Variants in FHL2 observed in about 807,000 individuals in gnomAD.
FHL2 encodes the protein four and a half LIM domains protein 2.
Under a neutral mutation model 32.7 loss-of-function variants are expected in FHL2, and 20 were observed. The observed-to-expected ratio is 0.61, with a 90% CI of 0.43 to 0.89. The LOEUF (loss-of-function observed/expected upper bound fraction) is 0.89, where lower values mean the gene tolerates loss of function less well. Among genes scored for constraint, FHL2 ranks in the 40% least tolerant of loss-of-function variants. FHL2 has a pLI of 0.00. For missense variants in FHL2, 311 were observed against 358.6 expected, an observed-to-expected ratio of 0.87 and a Z score of 1.07; for synonymous variants, 123 against 128.1, an observed-to-expected ratio of 0.96 and a Z score of 0.27.
At chr2:105,358,381 T>C (rs1379906132), downstream of FHL2, 1 of 152,268 alleles carries the variant, frequency 6.6e-6, no homozygotes, top group Admixed American at 6.5e-5. Context: ...CCCCTCCCAA[T>C]GTGGAGCCTC....
At chr2:105,410,660 A>C (rs1220164423) in intron 1 of FHL2, among the ~76,000 whole-genome samples, 1 of 152,130 alleles carries the variant, frequency 6.6e-6, no homozygotes, top group Non-Finnish European at 1.5e-5. Context: ...TCTTTCTCAG[A>C]CGAGAAGGAT....
At chr2:105,371,820 G>T (rs76121528) in intron 4 of FHL2, among the ~76,000 whole-genome samples, 4 of 152,106 alleles carry the variant, frequency 2.6e-5, no homozygotes. Context: ...AATTAATGTC[G>T]TGGTTCTTAT....
intron 1 of FHL2, among the ~76,000 whole-genome samples, chr2:105,397,617 A>C (rs986939316): frequency 6.6e-6 from 1 of 152,226 alleles, no homozygotes; most frequent in Non-Finnish European, 1.5e-5. Flanking sequence ...GTCTGTAGTA[A>C]GCCCATCATT....
intron 1 of FHL2, among the ~76,000 whole-genome samples, chr2:105,407,274 C>T (rs1241691505): frequency 6.6e-6 from 1 of 151,828 alleles, no homozygotes; most frequent in Non-Finnish European, 1.5e-5. Flanking sequence ...CGCCTGTAGT[C>T]CCAGCTACTC....
intron 1 of FHL2, among the ~76,000 whole-genome samples, chr2:105,420,050 A>AC (rs1341691559): frequency 6.6e-6 from 1 of 152,196 alleles, no homozygotes; most frequent in East Asian, 1.9e-4. Context: ...AAGATAAGCC[A>AC]CCCAATGCCC....
intron 1 of FHL2, among the ~76,000 whole-genome samples, chr2:105,411,181 A>C (rs748429509): frequency 3.3e-5 from 5 of 152,222 alleles, no homozygotes; most frequent in African/African-American, 2.4e-5. Context: ...ATTTCAGTCA[A>C]AAAACTGATT....
At chr2:105,405,574 G>A (rs1558722958) in intron 1 of FHL2, among the ~76,000 whole-genome samples, 1 of 152,204 alleles carries the variant, frequency 6.6e-6, no homozygotes, top group Non-Finnish European at 1.5e-5. Flanking sequence ...ACCATGGCTG[G>A]CAAGAGTGTT....
chr2:105,374,236 C>G (rs1457571512), intron 3 of FHL2: 1 of 181,746 alleles, frequency 5.5e-6, no homozygotes, highest in Non-Finnish European at 1.2e-5. Context: ...TCAGGAGAGA[C>G]TGTGTGTGTG....
intron 1 of FHL2, among the ~76,000 whole-genome samples, chr2:105,411,538 GTTTTTTTT>G (rs9308884): frequency 7.4e-5 from 6 of 81,150 alleles, no homozygotes; most frequent in Admixed American, 1.8e-4. Context: ...TGAACTTAGG[GTTTTTTTT>G]TTTTTTTTTT....
chr2:105,408,544 A>G (rs1243808584), intron 1 of FHL2, among the ~76,000 whole-genome samples: 10 of 152,232 alleles, frequency 6.6e-5, no homozygotes, highest in Admixed American at 5.9e-4. Context: ...TTGGCTTTGT[A>G]TCGAGAATTC....
intron 1 of FHL2, among the ~76,000 whole-genome samples, chr2:105,435,946 C>T (rs1441577377): frequency 6.6e-6 from 1 of 152,188 alleles, no homozygotes; most frequent in Non-Finnish European, 1.5e-5. Flanking sequence ...ATGTTTTATG[C>T]ATTGTTGCCT....
At chr2:105,370,830 A>C (rs1681012532) in intron 4 of FHL2, among the ~76,000 whole-genome samples, 2 of 152,264 alleles carry the variant, frequency 1.3e-5, no homozygotes, top group South Asian at 4.1e-4. Flanking sequence ...CACCTGTAAA[A>C]TGGGGATGAA....
upstream of FHL2, among the ~76,000 whole-genome samples, chr2:105,403,773 AG>A (rs1683545204): frequency 6.6e-6 from 1 of 152,236 alleles, no homozygotes; most frequent in African/African-American, 2.4e-5. Context: ...AAATAGAGAT[AG>A]ACTAAACATA....
intron 2 of FHL2, among the ~76,000 whole-genome samples, chr2:105,394,086 C>T (rs899379492): frequency 6.6e-6 from 1 of 152,186 alleles, no homozygotes; most frequent in Non-Finnish European, 1.5e-5. Context: ...ACGGGACTCT[C>T]ACACCTGGAA....
At chr2:105,418,836 T>C (rs1323055239) in intron 1 of FHL2, among the ~76,000 whole-genome samples, 2 of 152,202 alleles carry the variant, frequency 1.3e-5, no homozygotes, top group African/African-American at 4.8e-5. Context: ...TTACAGCATA[T>C]TGTTATAATT....
At chr2:105,430,582 C>T (rs1377127471) in intron 1 of FHL2, among the ~76,000 whole-genome samples, 1 of 152,194 alleles carries the variant, frequency 6.6e-6, no homozygotes, top group South Asian at 2.1e-4. Flanking sequence ...CCATGAGAAT[C>T]GCTTGACCCT....
chr2:105,398,817 A>G, intron 1 of FHL2, 25 bp downstream of exon 1: 2 of 1,400,202 alleles, frequency 1.4e-6, no homozygotes, highest in African/African-American at 3.0e-5. Flanking sequence ...GTCTTCCCGG[A>G]CCCACAGCTC....
intron 1 of FHL2, among the ~76,000 whole-genome samples, chr2:105,428,128 G>C (rs1341097383): frequency 1.3e-5 from 2 of 152,188 alleles, no homozygotes; most frequent in Non-Finnish European, 2.9e-5. Flanking sequence ...CAGTCAACTA[G>C]AAGCCTGCTG....
At chr2:105,409,643 G>A (rs555172300) in intron 1 of FHL2, among the ~76,000 whole-genome samples, 1 of 152,298 alleles carries the variant, frequency 6.6e-6, no homozygotes, top group South Asian at 2.1e-4. Flanking sequence ...TGATGTGTTA[G>A]TAAATAATAT....
Sources: gnomAD v4.1 joint callset for allele counts (sites outside exome capture counted in the v4.1 genomes callset) on GRCh38, gnomAD v4.1.1 for gene constraint, MANE v1.5 for transcripts, NCBI Gene and HGNC (gene_info 2026-07-23, HGNC 2026-07-21) for gene names.